The following QRICH1 variants were observed in gnomAD, a reference collection of about 807,000 sequenced individuals.
The protein encoded by QRICH1 is transcriptional regulator QRICH1.
In QRICH1, 16 loss-of-function variants were observed where a neutral mutation model predicts 87.1. That is an observed-to-expected ratio of 0.18 (90% CI 0.12 to 0.28). The LOEUF (loss-of-function observed/expected upper bound fraction) is 0.28. QRICH1 is among the 10% of genes least tolerant of loss of function. QRICH1 has a pLI of 1.00. For synonymous variants in QRICH1, 367 were observed against 368.4 expected (o/e 1.00, Z 0.05); for missense variants, 647 against 951.7 (o/e 0.68, Z 4.21).
intron 1 of QRICH1, among the ~76,000 whole-genome samples, chr3:49,080,094 AAT>A (rs2042030135): frequency 1.3e-5 from 2 of 151,988 alleles, no homozygotes; most frequent in South Asian, 4.1e-4. Flanking sequence ...ATGAAACTCT[AAT>A]ATCTAATCAC....
intron 9 of QRICH1, among the ~76,000 whole-genome samples, chr3:49,030,991 C>CTTTTTTTTTT (rs1162254467): frequency 3.0e-5 from 4 of 132,450 alleles, no homozygotes; most frequent in African/African-American, 8.4e-5. Flanking sequence ...AGTCTTTGCG[C>CTTTTTTTTTT]TTTTTTTTTT....
At chr3:49,090,948 C>T (rs1353114765) in intron 1 of QRICH1, among the ~76,000 whole-genome samples, 2 of 152,286 alleles carry the variant, frequency 1.3e-5, no homozygotes, top group South Asian at 2.1e-4. Flanking sequence ...ATAGGCCAGG[C>T]GCGGTGGCTC....
intron 2 of QRICH1, among the ~76,000 whole-genome samples, chr3:49,068,466 TA>T (rs879822428): frequency 3.5e-4 from 49 of 139,512 alleles, no homozygotes; most frequent in Non-Finnish European, 5.1e-4. Flanking sequence ...TCAAAAAAAT[TA>T]AAAAAAAAAA....
chr3:49,044,899 C>T (rs953787874), intron 5 of QRICH1, among the ~76,000 whole-genome samples: 5 of 151,998 alleles, frequency 3.3e-5, no homozygotes, highest in Non-Finnish European at 7.4e-5. Flanking sequence ...CCTTCCAGGA[C>T]TGGGAGAGCA....
intron 3 of QRICH1, among the ~76,000 whole-genome samples, chr3:49,055,972 C>G (rs2093399859): frequency 6.6e-6 from 1 of 151,798 alleles, no homozygotes; most frequent in Non-Finnish European, 1.5e-5. Flanking sequence ...AGCCACCGTG[C>G]CTGGCCCCTA....
At chr3:49,083,890 C>T (rs920346347) in intron 1 of QRICH1, among the ~76,000 whole-genome samples, 1 of 151,630 alleles carries the variant, frequency 6.6e-6, no homozygotes, top group Admixed American at 6.6e-5. Flanking sequence ...ACCTCCGTGC[C>T]CCCCAGGTTC....
intron 2 of QRICH1, among the ~76,000 whole-genome samples, chr3:49,075,244 G>T (rs563021384): frequency 6.6e-6 from 1 of 151,106 alleles, no homozygotes; most frequent in Admixed American, 6.6e-5. Flanking sequence ...CTGGATGATC[G>T]CTTAAGCCTT....
intron 1 of QRICH1, among the ~76,000 whole-genome samples, chr3:49,092,778 GA>G (rs1311723580): frequency 2.6e-5 from 4 of 152,176 alleles, no homozygotes; most frequent in African/African-American, 9.7e-5. Flanking sequence ...CACCAAAAGT[GA>G]CTTTTACAGT....
At chr3:49,077,660 A>G (rs954232617) in intron 1 of QRICH1, among the ~76,000 whole-genome samples, 5 of 152,314 alleles carry the variant, frequency 3.3e-5, no homozygotes, top group Admixed American at 2.6e-4. Flanking sequence ...TCAAATCCCA[A>G]CTTTATGTCT....
rs758078466 is a variant in QRICH1 at position 49,076,805 on chromosome 3, C to G, written c.213G>C (p.Gly71=). The G allele has an allele frequency of 1.2e-6, 2 of 1,613,172 alleles. No homozygotes were observed. Among genetic ancestry groups the G allele is most frequent in the South Asian group, 1.1e-5 (1 of 90,922 alleles). ...CTGGACAGGCAAGTTCAAGCAAAGA[C>G]CCAGCCACTTCAGTGCTGTCTGTGT... is the stretch of plus-strand genomic sequence containing the variant. ...CIYTDSTEVA[G]SLLELACPVT... is the part of the protein sequence containing the mutation. The change falls in exon 2 of 10, where the codon GGG becomes GGC. Residue 71 remains glycine (G), a synonymous_variant. Coordinates refer to ENST00000395443, the MANE Select transcript of QRICH1 (RefSeq NM_198880.3).
chr3:49,046,722 T>A, intron 4 of QRICH1, 143 bp from the exon 5 acceptor site: 1 of 954,976 alleles, frequency 1.0e-6, no homozygotes, highest in Non-Finnish European at 1.5e-6. Context: ...ATGTCAGAAC[T>A]GGCCTATAAC....
chr3:49,044,614 A>G, intron 5 of QRICH1, 110 bp from the exon 6 acceptor site: 1 of 687,654 alleles, frequency 1.5e-6, no homozygotes, highest in Non-Finnish European at 2.4e-6. Flanking sequence ...ACCCATTCAC[A>G]CCTCAACAAA....
intron 3 of QRICH1, among the ~76,000 whole-genome samples, chr3:49,048,965 G>A (rs920503922): frequency 1.3e-5 from 2 of 149,894 alleles, no homozygotes; most frequent in Non-Finnish European, 3.0e-5. Flanking sequence ...GCAGTGGCAC[G>A]ATCTCGGCTC....
At chr3:49,051,827 G>A (rs1330954675) in intron 3 of QRICH1, among the ~76,000 whole-genome samples, 1 of 152,148 alleles carries the variant, frequency 6.6e-6, no homozygotes, top group African/African-American at 2.4e-5. Flanking sequence ...TTCTGTAGCA[G>A]GCCCCCTTCA....
chr3:49,039,587 C>T (rs1392912513), intron 6 of QRICH1, among the ~76,000 whole-genome samples: 8 of 131,006 alleles, frequency 6.1e-5, no homozygotes, highest in African/African-American at 2.4e-4. Flanking sequence ...CACCACTGCA[C>T]TCCAGCCTAG....
chr3:49,059,755 C>T (rs539505352), intron 2 of QRICH1, among the ~76,000 whole-genome samples: 1 of 150,976 alleles, frequency 6.6e-6, no homozygotes, highest in Non-Finnish European at 1.5e-5. Flanking sequence ...GAGTTTCGCT[C>T]GTTCCCCAGG....
At chr3:49,054,045 C>G (rs947283636) in intron 3 of QRICH1, among the ~76,000 whole-genome samples, 1 of 152,142 alleles carries the variant, frequency 6.6e-6, no homozygotes, top group East Asian at 1.9e-4. Context: ...GATGGAAAAT[C>G]GGGATTCTTC....
At chr3:49,071,252 G>C (rs897315535) in intron 2 of QRICH1, among the ~76,000 whole-genome samples, 2 of 152,064 alleles carry the variant, frequency 1.3e-5, no homozygotes, top group African/African-American at 4.8e-5. Flanking sequence ...TTTTAGTAGA[G>C]ACGGAGTTTC....
chr3:49,031,276 C>T (rs2093237162), intron 9 of QRICH1, among the ~76,000 whole-genome samples: 1 of 152,178 alleles, frequency 6.6e-6, no homozygotes, highest in Non-Finnish European at 1.5e-5. Flanking sequence ...GCGTGAGCCA[C>T]GGTGCCCAGC....
Sources: allele counts gnomAD v4.1 joint callset (sites outside exome capture counted in the v4.1 genomes callset), GRCh38; gene constraint gnomAD v4.1.1; transcripts MANE v1.5; gene names NCBI Gene and HGNC (gene_info 2026-07-23, HGNC 2026-07-21).